ZMAT4: variants seen among roughly 807,000 people sequenced by gnomAD.
ZMAT4 encodes zinc finger matrin-type 4.
Under a neutral mutation model 28.7 loss-of-function variants are expected in ZMAT4, and 17 were observed. The ratio of observed to expected loss-of-function variants is 0.59; its 90% CI spans 0.41 to 0.89. The LOEUF (loss-of-function observed/expected upper bound fraction) is 0.89. ZMAT4 is among the 40% of genes least tolerant of loss of function. The probability of loss-of-function intolerance (pLI) is 0.00; values close to 1 mark genes in which losing one functional copy is unlikely to be tolerated. For synonymous variants in ZMAT4, 117 were observed against 109.2 expected (o/e 1.07, Z -0.44); for missense variants, 240 against 283.8 (o/e 0.85, Z 1.11).
chr8:40,550,534 T>A (rs1184918560), intron 6 of ZMAT4, among the ~76,000 whole-genome samples: 1 of 152,180 alleles, frequency 6.6e-6, no homozygotes. Flanking sequence ...TGAATTGTAA[T>A]CCTCATATTC....
intron 1 of ZMAT4, among the ~76,000 whole-genome samples, chr8:40,888,077 A>T (rs766287963): frequency 6.6e-6 from 1 of 152,020 alleles, no homozygotes; most frequent in Non-Finnish European, 1.5e-5. Flanking sequence ...CACTTTTCTC[A>T]GCACCTACAC....
At chr8:40,554,543 G>C (rs1803467516) in intron 6 of ZMAT4, among the ~76,000 whole-genome samples, 1 of 151,982 alleles carries the variant, frequency 6.6e-6, no homozygotes, top group African/African-American at 2.4e-5. Flanking sequence ...ATGTCATTCT[G>C]TCTCATACCA....
intron 1 of ZMAT4, among the ~76,000 whole-genome samples, chr8:40,841,082 A>T (rs1292538837): frequency 6.6e-6 from 1 of 152,224 alleles, no homozygotes; most frequent in East Asian, 1.9e-4. Flanking sequence ...GAAGAGCAAC[A>T]TCACAGGCTA....
chr8:40,861,312 C>A (rs1488967940), intron 1 of ZMAT4, among the ~76,000 whole-genome samples: 2 of 152,218 alleles, frequency 1.3e-5, no homozygotes, highest in Non-Finnish European at 2.9e-5. Flanking sequence ...CTGACAAAAA[C>A]AAGCAATGGG....
Position 40,640,872 on chromosome 8 carries a change from T to C in ZMAT4, c.577+33832A>G, listed in dbSNP as rs191345236. Among the ~76,000 whole-genome samples, 437 of 151,656 alleles carry C rather than the reference T, an allele frequency of 2.9e-3. 1 individual carries two copies. Among genetic ancestry groups the C allele is most frequent in the Non-Finnish European group, 4.3e-3 (293 of 67,954 alleles). On this transcript the variant is annotated intron_variant, in intron 5 of 6. Transcript: ENST00000297737. Reference sequence around the variant, plus strand: ...TACTTGGGAGGCTGAGGAAGGAGAATTGCTTGAACCTGCAAGGTGGAAGTT... The same window carrying C: ...TACTTGGGAGGCTGAGGAAGGAGAACTGCTTGAACCTGCAAGGTGGAAGTT...
chr8:40,892,227 C>T (rs1352017069), intron 1 of ZMAT4, among the ~76,000 whole-genome samples: 1 of 152,214 alleles, frequency 6.6e-6, no homozygotes, highest in Non-Finnish European at 1.5e-5. Context: ...GCAGAGATAT[C>T]TAAAGTCTTT....
intron 2 of ZMAT4, among the ~76,000 whole-genome samples, chr8:40,810,459 G>A (rs1352693491): frequency 2.0e-5 from 3 of 152,178 alleles, no homozygotes; most frequent in South Asian, 4.1e-4. Context: ...ACAGCAAAGT[G>A]ATACCCCAAA....
intron 4 of ZMAT4, among the ~76,000 whole-genome samples, chr8:40,679,668 A>G (rs1049399376): frequency 3.9e-5 from 6 of 152,134 alleles, no homozygotes; most frequent in African/African-American, 1.2e-4. Flanking sequence ...CCCACGACAA[A>G]TGGAGATTAT....
chr8:40,555,490 T>C (rs1412974106), intron 6 of ZMAT4, among the ~76,000 whole-genome samples: 1 of 152,182 alleles, frequency 6.6e-6, no homozygotes, highest in Admixed American at 6.5e-5. Flanking sequence ...GCTAAGCACT[T>C]GTCCTCAGAT....
chr8:40,739,339 G>A (rs6474274), intron 3 of ZMAT4, among the ~76,000 whole-genome samples: 132,621 of 152,220 alleles, frequency 0.87, 57,819 homozygotes, highest in Admixed American at 0.9. Context: ...TTCTTAACCT[G>A]TGGGTGCCTT....
At chr8:40,850,533 G>T (rs78886905) in intron 1 of ZMAT4, among the ~76,000 whole-genome samples, 1 of 152,162 alleles carries the variant, frequency 6.6e-6, no homozygotes, top group South Asian at 2.1e-4. Context: ...TAAGCTTTGT[G>T]GGGTAGAGAT....
chr8:40,848,340 G>A (rs1423990481), intron 1 of ZMAT4, among the ~76,000 whole-genome samples: 1 of 152,184 alleles, frequency 6.6e-6, no homozygotes, highest in Non-Finnish European at 1.5e-5. Flanking sequence ...CATCACATCT[G>A]ATTTTTAGTG....
chr8:40,649,732 A>G (rs964619506), intron 5 of ZMAT4, among the ~76,000 whole-genome samples: 2 of 152,088 alleles, frequency 1.3e-5, no homozygotes, highest in African/African-American at 4.8e-5. Context: ...TATCTCTCAG[A>G]CCACAGTGCA....
At chr8:40,704,855 T>C (rs957852035) in intron 3 of ZMAT4, among the ~76,000 whole-genome samples, 1 of 152,228 alleles carries the variant, frequency 6.6e-6, no homozygotes, top group Non-Finnish European at 1.5e-5. Context: ...TACTCTGTAC[T>C]GAAATGGATA....
intron 3 of ZMAT4, among the ~76,000 whole-genome samples, chr8:40,734,566 T>C (rs1811681609): frequency 6.6e-6 from 1 of 152,206 alleles, no homozygotes. Context: ...AGAAGTAGCC[T>C]GTCGGCATGC....
chr8:40,880,280 A>G (rs1375460471), intron 1 of ZMAT4, among the ~76,000 whole-genome samples: 1 of 151,772 alleles, frequency 6.6e-6, no homozygotes, highest in East Asian at 1.9e-4. Context: ...GAGGCAGGAG[A>G]ATCACTCGAA....
At chr8:40,727,130 T>G (rs762216049) in intron 3 of ZMAT4, among the ~76,000 whole-genome samples, 1 of 152,186 alleles carries the variant, frequency 6.6e-6, no homozygotes, top group Non-Finnish European at 1.5e-5. Flanking sequence ...TTTTAGTTAG[T>G]GGTTTGGAGG....
At chr8:40,777,865 T>C (rs1309465210) in intron 2 of ZMAT4, among the ~76,000 whole-genome samples, 1 of 152,254 alleles carries the variant, frequency 6.6e-6, no homozygotes, top group Non-Finnish European at 1.5e-5. Context: ...CTGTATAACA[T>C]TTTTATATTA....
chr8:40,688,833 G>A (rs1175495536), intron 4 of ZMAT4, among the ~76,000 whole-genome samples: 1 of 152,194 alleles, frequency 6.6e-6, no homozygotes, highest in African/African-American at 2.4e-5. Flanking sequence ...AAAATGAGAG[G>A]AAATTTTGCA....
Sources: allele counts gnomAD v4.1 joint callset (sites outside exome capture counted in the v4.1 genomes callset), GRCh38; gene constraint gnomAD v4.1.1; transcripts MANE v1.5; gene names NCBI Gene and HGNC (gene_info 2026-07-23, HGNC 2026-07-21).